Variants in SETD5 observed in about 807,000 individuals in gnomAD.
SETD5 encodes histone-lysine N-methyltransferase SETD5.
SETD5 carries 44 observed loss-of-function variants against 153.3 expected under a neutral mutation model. The ratio of observed to expected loss-of-function variants is 0.29; its 90% CI spans 0.23 to 0.37. The LOEUF (loss-of-function observed/expected upper bound fraction) is 0.37, where lower values mean the gene tolerates loss of function less well. Among genes scored for constraint, SETD5 ranks in the 10% least tolerant of loss-of-function variants. The probability of loss-of-function intolerance (pLI) is 1.00; values close to 1 mark genes in which losing one functional copy is unlikely to be tolerated. For synonymous variants in SETD5, 716 were observed against 645.2 expected (o/e 1.11, Z -1.66); for missense variants, 1,544 against 1,768.0 (o/e 0.87, Z 2.27).
chr3:9,409,058 T>C (rs989235466), intron 1 of SETD5, among the ~76,000 whole-genome samples: 1 of 152,180 alleles, frequency 6.6e-6, no homozygotes, highest in African/African-American at 2.4e-5. Flanking sequence ...ATAAGTTGTT[T>C]TGGTTGAAGA....
At chr3:9,472,116 C>A (rs1024209020) in intron 19 of SETD5, among the ~76,000 whole-genome samples, 1 of 152,106 alleles carries the variant, frequency 6.6e-6, no homozygotes, top group Non-Finnish European at 1.5e-5. Flanking sequence ...AACATGAAAA[C>A]AATCTTTGGA....
At position 9,397,684 on chromosome 3, in the gene SETD5, CGCT is replaced by C. The variant is rs1330695924; in HGVS notation, c.-467_-465del. 66 of 170,540 alleles carry C rather than the reference CGCT, an allele frequency of 3.9e-4. No homozygotes were observed. Among genetic ancestry groups the C allele is most frequent in the East Asian group, 7.0e-4 (4 of 5,684 alleles). The allele number at this position is 170,540 out of a possible 1,614,324, so 10.6% of individuals were successfully genotyped here. On this transcript the variant is annotated 5_prime_UTR_variant, in exon 1 of 23. Transcript: ENST00000402198. ...CCGCCGCCGCCGCCGCCGCCGCCGC[CGCT>C]GCCGGGGGAGGGGCGGCCGCCGCCC...
In SETD5 at chr3:9,430,634, T is replaced by C. The variant is rs925601933; in HGVS notation, c.71+1625T>C. On this transcript the variant is annotated intron_variant, in intron 3 of 22. Coordinates refer to ENST00000402198, the MANE Select transcript of SETD5 (RefSeq NM_001080517.3). Reference sequence around the variant, plus strand: ...CCTGGTACTATGTAGATTGTCTAACTGTATAGATAGATAGCATTAACATTT... The same window carrying C: ...CCTGGTACTATGTAGATTGTCTAACCGTATAGATAGATAGCATTAACATTT... The C allele has an allele frequency of 1.9e-5, 4 of 212,040 alleles. No individual in the cohort carries two copies. The Admixed American group carries it at 2.6e-4, about 14-fold the overall frequency. 13.1% of individuals were successfully genotyped at this position (212,040 alleles called of 1,614,324 possible).
intron 1 of SETD5, among the ~76,000 whole-genome samples, chr3:9,403,457 T>C (rs2035155115): frequency 6.6e-6 from 1 of 152,136 alleles, no homozygotes; most frequent in African/African-American, 2.4e-5. Context: ...CCTGAACATG[T>C]AGAATAATTT....
intron 21 of SETD5, chr3:9,474,817 C>T: frequency 3.2e-6 from 2 of 630,778 alleles, no homozygotes; most frequent in Non-Finnish European, 5.4e-6. Context: ...TAACTCTCAT[C>T]TCTCCAAAGT....
At position 9,473,221 on chromosome 3, in the gene SETD5, T is replaced by A. The variant is rs1166142214; in HGVS notation, c.3196-15T>A. 1 of 1,606,110 alleles carries A rather than the reference T, an allele frequency of 6.2e-7. No homozygotes were observed. Among genetic ancestry groups the A allele is most frequent in the Non-Finnish European group, 8.5e-7 (1 of 1,174,522 alleles). ...TAGAGTACCGTTTTTTGTTTGTTTG[T>A]TTTTTCCTTTCTAGGTATCCCTGCT... On this transcript the variant is annotated splice_polypyrimidine_tract_variant and intron_variant, in intron 19 of 22. Transcript: ENST00000402198.
rs931898655 is a variant in SETD5, at chr3:9,445,120, T to G, written c.1260T>G (p.Ala420=). 10 of 1,613,814 alleles carry G rather than the reference T, an allele frequency of 6.2e-6. No individual in the cohort carries two copies. Among genetic ancestry groups the G allele is most frequent in the Admixed American group, 1.7e-5 (1 of 60,000 alleles). The change falls in exon 12 of 23, where the codon GCT becomes GCG. Residue 420 remains alanine (A), a synonymous_variant. Coordinates refer to ENST00000402198, the MANE Select transcript of SETD5 (RefSeq NM_001080517.3). ...NCPIQKRNPN[A]TELPLLPPPP... Reference sequence around the variant, plus strand: ...CTATACAAAAAAGGAATCCTAATGCTACAGAACTGCCACTCCTACCACCTC... The same window carrying G: ...CTATACAAAAAAGGAATCCTAATGCGACAGAACTGCCACTCCTACCACCTC...
chr3:9,452,233 T>C (rs1160020329), intron 16 of SETD5, among the ~76,000 whole-genome samples: 4 of 152,232 alleles, frequency 2.6e-5, no homozygotes, highest in Admixed American at 2.6e-4. Context: ...ATTAAAAAAT[T>C]ACTCAGATAG....
intron 2 of SETD5, among the ~76,000 whole-genome samples, chr3:9,425,148 G>A (rs1408285906): frequency 2.2e-5 from 3 of 139,312 alleles, no homozygotes; most frequent in Non-Finnish European, 4.5e-5. Context: ...TGCAACCTCC[G>A]GCTCCCGGGT....
At chr3:9,425,405 C>T (rs1005211073) in intron 2 of SETD5, among the ~76,000 whole-genome samples, 2 of 152,034 alleles carry the variant, frequency 1.3e-5, no homozygotes, top group Non-Finnish European at 2.9e-5. Context: ...TCCAAAATAG[C>T]TGGGTTGGTG....
intron 1 of SETD5, among the ~76,000 whole-genome samples, chr3:9,415,069 CAG>C (rs372968848): frequency 2.2e-3 from 329 of 152,140 alleles, no homozygotes; most frequent in African/African-American, 6.5e-3. Flanking sequence ...GGAAAACTAA[CAG>C]ATGATTAAAA....
intron 1 of SETD5, among the ~76,000 whole-genome samples, chr3:9,414,194 G>A (rs547575840): frequency 5.9e-5 from 9 of 152,334 alleles, no homozygotes; most frequent in African/African-American, 2.2e-4. Flanking sequence ...TCACAAAGTA[G>A]TTATGCCTAG....
chr3:9,445,972 T>G (rs929311537), intron 13 of SETD5, among the ~76,000 whole-genome samples: 18 of 146,210 alleles, frequency 1.2e-4, no homozygotes, highest in East Asian at 5.9e-4. Context: ...GTTGTTTTTT[T>G]TTTTTTTTTT....
chr3:9,440,500 G>C lies in SETD5; in HGVS notation c.612G>C (p.Glu204Asp). The change falls in exon 8 of 23, where the codon GAG becomes GAC. Residue 204 changes from glutamate to aspartate, a missense_variant. Glu to Asp is a conservative substitution (Grantham distance 45, BLOSUM62 2). This residue lies in a region of SETD5 where 251 missense variants were observed against 326.9 expected (regional missense o/e 0.77). Transcript: ENST00000402198. Reference protein sequence around the residue: ...EAQNLDENTTEGWENRIRLWT... With the variant: ...EAQNLDENTTDGWENRIRLWT... ...AGAATTTAGATGAGAATACAACTGAGGGCTGGGAAAATCGGATAAGACTAT... is the reference window on the plus strand; with the variant it reads ...AGAATTTAGATGAGAATACAACTGACGGCTGGGAAAATCGGATAAGACTAT... 1 of 1,607,892 alleles carries C rather than the reference G, an allele frequency of 6.2e-7. No individual in the cohort carries two copies. Among genetic ancestry groups the C allele is most frequent in the Non-Finnish European group, 8.5e-7 (1 of 1,174,446 alleles).
At chr3:9,416,639 G>A (rs745650786) in intron 1 of SETD5, among the ~76,000 whole-genome samples, 4 of 152,022 alleles carry the variant, frequency 2.6e-5, no homozygotes, top group Non-Finnish European at 5.9e-5. Flanking sequence ...CTTGTTCATT[G>A]GAACTTTTGC....
At chr3:9,429,926 C>T (rs922822176) in intron 3 of SETD5, 1 of 1,302,164 alleles carries the variant, frequency 7.7e-7, no homozygotes, top group South Asian at 1.2e-5. Flanking sequence ...GGGCAGCACA[C>T]CCCCAGAAGC....
intron 1 of SETD5, among the ~76,000 whole-genome samples, chr3:9,406,903 CAT>C (rs2035789714): frequency 6.6e-6 from 1 of 152,118 alleles, no homozygotes; most frequent in African/African-American, 2.4e-5. Context: ...AACAAAGTGA[CAT>C]AAAATATTCA....
At chr3:9,429,987 C>T (rs1283915673) in intron 3 of SETD5, 8 of 1,254,324 alleles carry the variant, frequency 6.4e-6, no homozygotes, top group Admixed American at 2.9e-5. Context: ...TGGAAAAATC[C>T]TGGTGTTTTG....
intron 13 of SETD5, 140 bp from the exon 14 acceptor site, chr3:9,446,907 ATCT>A (rs2042086512): frequency 1.7e-6 from 1 of 605,970 alleles, no homozygotes; most frequent in Non-Finnish European, 2.9e-6. Context: ...TTTATTTTTA[ATCT>A]TCTGTTTTCC....
Sources: allele counts gnomAD v4.1 joint callset (sites outside exome capture counted in the v4.1 genomes callset), GRCh38; gene constraint gnomAD v4.1.1; regional missense constraint gnomAD v4.1.1; transcripts MANE v1.5; gene names NCBI Gene and HGNC (gene_info 2026-07-23, HGNC 2026-07-21).